SLC9C1: variants seen among roughly 807,000 people sequenced by gnomAD.
SLC9C1 encodes sodium/hydrogen exchanger 10.
A neutral mutation model predicts 140.9 loss-of-function variants in SLC9C1; 97 were observed. The ratio of observed to expected loss-of-function variants is 0.69; its 90% confidence interval spans 0.58 to 0.82. SLC9C1 has a LOEUF of 0.82. Among genes scored for constraint, SLC9C1 ranks in the 40% least tolerant of loss-of-function variants. The pLI, the probability that SLC9C1 is intolerant of heterozygous loss-of-function variation, is 0.00. For synonymous variants in SLC9C1, 440 were observed against 442.6 expected, an observed-to-expected ratio of 0.99 and a Z score of 0.07; for missense variants, 1,340 against 1,389.3, an observed-to-expected ratio of 0.96 and a Z score of 0.56.
At chr3:112,157,819 C>T (rs1576224274) in intron 26 of SLC9C1, among the ~76,000 whole-genome samples, 1 of 151,144 alleles carries the variant, frequency 6.6e-6, no homozygotes, top group East Asian at 1.9e-4. Flanking sequence ...CTTTTTCAGA[C>T]TGATCACTGT....
At chr3:112,252,376 C>A (rs1473860046) in intron 10 of SLC9C1, among the ~76,000 whole-genome samples, 1 of 151,904 alleles carries the variant, frequency 6.6e-6, no homozygotes, top group Non-Finnish European at 1.5e-5. Flanking sequence ...CAGTTTCCAA[C>A]CTCCCTGGGA....
intron 26 of SLC9C1, among the ~76,000 whole-genome samples, chr3:112,162,853 T>C (rs201472773): frequency 8.7e-5 from 11 of 126,120 alleles, no homozygotes; most frequent in South Asian, 3.2e-4. Context: ...ATCGTACCAG[T>C]TCCTCCTTGT....
chr3:112,244,574 G>T (rs2079228158), intron 10 of SLC9C1, among the ~76,000 whole-genome samples: 1 of 152,142 alleles, frequency 6.6e-6, no homozygotes, highest in Non-Finnish European at 1.5e-5. Context: ...TGCCTCACTG[G>T]TACCCTTTCA....
intron 23 of SLC9C1, among the ~76,000 whole-genome samples, chr3:112,170,968 C>T (rs2077234956): frequency 1.3e-5 from 2 of 152,204 alleles, no homozygotes; most frequent in African/African-American, 4.8e-5. Flanking sequence ...AATCTTAGCA[C>T]TTTGGGAGGC....
At chr3:112,158,534 A>G (rs1309573762) in intron 26 of SLC9C1, among the ~76,000 whole-genome samples, 2 of 152,140 alleles carry the variant, frequency 1.3e-5, no homozygotes, top group South Asian at 2.1e-4. Context: ...CTGGCCTAGT[A>G]GAATAAATTT....
At chr3:112,269,860 T>C in intron 7 of SLC9C1, 56 bp downstream of exon 7, 1 of 1,404,846 alleles carries the variant, frequency 7.1e-7, no homozygotes, top group Non-Finnish European at 9.4e-7. Flanking sequence ...TTTTCATATA[T>C]TTTTATTTTG....
chr3:112,174,412 G>C (rs2107934908), intron 23 of SLC9C1, among the ~76,000 whole-genome samples: 1 of 152,316 alleles, frequency 6.6e-6, no homozygotes, highest in South Asian at 2.1e-4. Flanking sequence ...GTGGCATGTG[G>C]TAAGCTTGGG....
intron 15 of SLC9C1, among the ~76,000 whole-genome samples, chr3:112,212,951 A>G (rs1368646294): frequency 6.6e-6 from 1 of 152,240 alleles, no homozygotes; most frequent in African/African-American, 2.4e-5. Context: ...AAAGGCAACC[A>G]GAGAGAAAGG....
rs186667886 is a variant in SLC9C1, at chr3:112,188,866, G to C, written c.2524-6608C>G. Among the ~76,000 whole-genome samples the C allele has an allele frequency of 8.3e-4, 127 of 152,218 alleles. 3 individuals are homozygous for C. Among genetic ancestry groups the C allele is most frequent in the Admixed American group, 7.5e-3 (115 of 15,288 alleles). On this transcript the variant is annotated intron_variant, in intron 20 of 28. Transcript: ENST00000305815. ...CTCCCACCAACAGTGTAAAAGTGTT[G>C]CTATTTCTCCACATCCTCTCCAGCA...
chr3:112,217,107 G>C (rs926699238), intron 15 of SLC9C1, among the ~76,000 whole-genome samples: 1 of 151,900 alleles, frequency 6.6e-6, no homozygotes, highest in Non-Finnish European at 1.5e-5. Context: ...TTGCAAGGAC[G>C]AAAAACCAAA....
At chr3:112,159,122 TG>T (rs1231264485) in intron 26 of SLC9C1, among the ~76,000 whole-genome samples, 4 of 151,872 alleles carry the variant, frequency 2.6e-5, no homozygotes, top group Admixed American at 2.6e-4. Context: ...TTTGGGGGTG[TG>T]GGTATTTATT....
chr3:112,199,349 CTAA>C lies in SLC9C1; in HGVS notation c.2492_2494del (p.Ile831del), dbSNP rs1424181414. On this transcript the variant is annotated inframe_deletion, in exon 20 of 29. Coordinates refer to ENST00000305815, the MANE Select transcript of SLC9C1 (RefSeq NM_183061.3). The stretch of plus-strand genomic sequence containing the variant: ...ATTAATTCCAGCACCTTCAGTTTTA[CTAA>C]TAATTCCTTTTAAGCCAAAAGCCTT... The C allele has an allele frequency of 6.3e-7, 1 of 1,581,618 alleles. No individual in the cohort carries two copies. Among genetic ancestry groups the C allele is most frequent in the Non-Finnish European group, 8.6e-7 (1 of 1,167,392 alleles).
At chr3:112,272,074 T>C (rs1409168952) in intron 6 of SLC9C1, among the ~76,000 whole-genome samples, 2 of 152,134 alleles carry the variant, frequency 1.3e-5, no homozygotes, top group African/African-American at 4.8e-5. Flanking sequence ...CATCAGAGGC[T>C]CTTTGCTGGA....
chr3:112,251,849 G>A (rs2079468291), intron 10 of SLC9C1, among the ~76,000 whole-genome samples: 1 of 151,760 alleles, frequency 6.6e-6, no homozygotes, highest in East Asian at 2.0e-4. Context: ...GGGTATCCAT[G>A]CTTCTCCCAT....
chr3:112,174,351 AG>A lies in SLC9C1; in HGVS notation c.2920-5024del, dbSNP rs2077297637. On this transcript the variant is annotated intron_variant, in intron 23 of 28. Coordinates refer to ENST00000305815, the MANE Select transcript of SLC9C1 (RefSeq NM_183061.3). ...CTTAGGATTTTTCATGCTGGGGATC[AG>A]GGGGCCAAAAGCTCACAGGGAGGAA... Among the ~76,000 whole-genome samples the A allele has an allele frequency of 2.0e-5, 3 of 152,182 alleles. No homozygotes were observed. The South Asian group carries it at 6.2e-4, about 31-fold the overall frequency.
intron 26 of SLC9C1, among the ~76,000 whole-genome samples, chr3:112,157,890 G>A (rs1187070967): frequency 6.6e-6 from 1 of 151,556 alleles, no homozygotes; most frequent in East Asian, 1.9e-4. Context: ...AACTTTGCTG[G>A]ATTTATCAGT....
chr3:112,187,752 T>C (rs1012879478), intron 20 of SLC9C1, among the ~76,000 whole-genome samples: 2 of 152,142 alleles, frequency 1.3e-5, no homozygotes, highest in Non-Finnish European at 2.9e-5. Context: ...TCCTTCTCAT[T>C]TCTTCTTCCA....
rs373038467 is a variant in SLC9C1 at position 112,197,299 on chromosome 3, A to G, written c.2523+2022T>C. 5.9e-5 allele frequency among the ~76,000 whole-genome samples: 9 copies of G among 152,280 alleles called. No individual in the cohort carries two copies. The South Asian group carries it at 1.7e-3, about 28-fold the overall frequency. On this transcript the variant is annotated intron_variant, in intron 20 of 28. Coordinates refer to ENST00000305815, the MANE Select transcript of SLC9C1 (RefSeq NM_183061.3). ...GTGTTGGCCCTTTAAATCCTTTGGAAGTCACTTCAGCCAGAGGGGGAGGGC... is the reference window on the plus strand; with the variant it reads ...GTGTTGGCCCTTTAAATCCTTTGGAGGTCACTTCAGCCAGAGGGGGAGGGC...
intron 6 of SLC9C1, 148 bp from the exon 7 acceptor site, chr3:112,270,225 A>G (rs1576491107): frequency 2.8e-6 from 2 of 715,426 alleles, no homozygotes; most frequent in Admixed American, 3.7e-5. Context: ...TCCCTGGGAC[A>G]TATTGATTTC....
Sources: allele counts gnomAD v4.1 joint callset (sites outside exome capture counted in the v4.1 genomes callset), GRCh38; gene constraint gnomAD v4.1.1; transcripts MANE v1.5; gene names NCBI Gene and HGNC (gene_info 2026-07-23, HGNC 2026-07-21).